Variants in RTL4 observed in about 807,000 individuals in gnomAD.
RTL4 encodes retrotransposon Gag-like protein 4.
In RTL4, 4 loss-of-function variants were observed where a neutral mutation model predicts 5.3. That is an observed-to-expected ratio of 0.75 (90% CI 0.37 to 1.72). The LOEUF is 1.72. Among genes scored for constraint, RTL4 ranks in the 40% most tolerant of loss-of-function variants. The pLI, the probability that RTL4 is intolerant of heterozygous loss-of-function variation, is 0.04. For synonymous variants in RTL4, 98 were observed against 87.3 expected, an observed-to-expected ratio of 1.12 and a Z score of -0.68; for missense variants, 260 against 227.1, an observed-to-expected ratio of 1.14 and a Z score of -0.93.
the RTL4 span, among the ~76,000 whole-genome samples, chrX:112,271,368 A>T: frequency 5.3e-5 from 6 of 113,713 alleles, no homozygotes; most frequent in African/African-American, 1.9e-4. Flanking sequence ...TCTGGCATGA[A>T]GGGGTATAGA....
the RTL4 span, among the ~76,000 whole-genome samples, chrX:112,394,097 G>T: frequency 3.6e-5 from 4 of 111,230 alleles, no homozygotes; most frequent in Non-Finnish European, 7.5e-5. Context: ...TGAAGTGTGG[G>T]TTCCCAGGGT....
the RTL4 span, chrX:112,320,224 T>G: frequency 8.9e-6 from 1 of 112,255 alleles, no homozygotes; most frequent in African/African-American, 3.2e-5. Flanking sequence ...TTGCTGTTGT[T>G]AAGCCTCTTG....
At chrX:112,088,717 A>G in the RTL4 span, among the ~76,000 whole-genome samples, 122 of 112,082 alleles carry the variant, frequency 1.1e-3, no homozygotes, top group African/African-American at 3.7e-3. Context: ...CCTCACCAAC[A>G]CTGGTTATTT....
At chrX:112,294,803 A>C in the RTL4 span, among the ~76,000 whole-genome samples, 1 of 111,685 alleles carries the variant, frequency 9.0e-6, no homozygotes, top group African/African-American at 3.3e-5. Context: ...CTTCCTAAGA[A>C]GTTCATTTCA....
At chrX:112,454,271 T>A (rs887643127), upstream of RTL4, among the ~76,000 whole-genome samples, 1 of 111,755 alleles carries the variant, frequency 8.9e-6, no homozygotes, top group Non-Finnish European at 1.9e-5. Context: ...TTAAGAAAGT[T>A]TACAAATTTG....
chrX:112,285,484 T>C, the RTL4 span, among the ~76,000 whole-genome samples: 1 of 111,720 alleles, frequency 9.0e-6, no homozygotes, highest in Non-Finnish European at 1.9e-5. Context: ...ATTTTGCATA[T>C]ATAGAAGTAT....
the RTL4 span, among the ~76,000 whole-genome samples, chrX:112,252,799 T>C: frequency 9.0e-6 from 1 of 111,102 alleles, no homozygotes; most frequent in Non-Finnish European, 1.9e-5. Flanking sequence ...CTGAAAAACA[T>C]AGAACCACAG....
the RTL4 span, among the ~76,000 whole-genome samples, chrX:112,327,625 GC>G: frequency 9.1e-6 from 1 of 109,448 alleles, no homozygotes; most frequent in African/African-American, 3.3e-5. Context: ...AGCAAGGCAG[GC>G]CAACATTCAG....
the RTL4 span, among the ~76,000 whole-genome samples, chrX:112,187,283 C>T: frequency 8.9e-6 from 1 of 112,068 alleles, no homozygotes; most frequent in South Asian, 3.7e-4. Context: ...TTTCCTTCTG[C>T]GGCCTTGAGT....
the RTL4 span, among the ~76,000 whole-genome samples, chrX:112,423,369 G>A: frequency 9.0e-6 from 1 of 110,506 alleles, no homozygotes; most frequent in East Asian, 2.9e-4. Flanking sequence ...TTGGTCAATA[G>A]CACCCCCTGC....
the RTL4 span, among the ~76,000 whole-genome samples, chrX:112,249,844 T>C: frequency 8.3e-5 from 9 of 108,694 alleles, no homozygotes; most frequent in Admixed American, 2.0e-4. Context: ...ATCAGTCCAA[T>C]TTTTCTAGTG....
At chrX:112,455,320 G>A (rs1926820621) in exon 1 of RTL4, 1 of 1,209,771 alleles carries the variant, frequency 8.3e-7, no homozygotes, top group African/African-American at 1.8e-5. Flanking sequence ...TGAAGAGAGT[G>A]TCACTGATAT....
the RTL4 span, among the ~76,000 whole-genome samples, chrX:112,417,047 T>C: frequency 9.0e-6 from 1 of 111,468 alleles, no homozygotes; most frequent in Non-Finnish European, 1.9e-5. Flanking sequence ...TCATCAATCT[T>C]GATGTTAGGG....
At chrX:112,169,026 C>CTTTCTTTCTT in the RTL4 span, among the ~76,000 whole-genome samples, 1 of 49,062 alleles carries the variant, frequency 2.0e-5, no homozygotes, top group African/African-American at 8.0e-5. Context: ...CTTTCTCTTT[C>CTTTCTTTCTT]TCTTTCTTTC....
chrX:112,157,793 T>C, the RTL4 span, among the ~76,000 whole-genome samples: 3 of 112,134 alleles, frequency 2.7e-5, no homozygotes, highest in Non-Finnish European at 5.6e-5. Context: ...CTGACTAGTC[T>C]CTGTTCTTCA....
At chrX:112,325,632 C>A in the RTL4 span, among the ~76,000 whole-genome samples, 1 of 111,912 alleles carries the variant, frequency 8.9e-6, no homozygotes, top group Admixed American at 9.5e-5. Flanking sequence ...CTTCCTTATG[C>A]CTTATACAAA....
chrX:112,173,966 T>A, the RTL4 span, among the ~76,000 whole-genome samples: 1 of 109,999 alleles, frequency 9.1e-6, no homozygotes, highest in Non-Finnish European at 1.9e-5. Context: ...TCTAATAATT[T>A]AAAGTCATCC....
chrX:112,269,602 CA>C, the RTL4 span, among the ~76,000 whole-genome samples: 1 of 111,899 alleles, frequency 8.9e-6, no homozygotes, highest in Non-Finnish European at 1.9e-5. Flanking sequence ...GCCTGTTTTT[CA>C]GTTGAAGAAA....
chrX:112,388,011 A>T, the RTL4 span, among the ~76,000 whole-genome samples: 1 of 112,128 alleles, frequency 8.9e-6, no homozygotes, highest in African/African-American at 3.2e-5. Context: ...TGTTTGGGGC[A>T]TTATGGCCAT....
Sources: gnomAD v4.1 joint callset for allele counts (sites outside exome capture counted in the v4.1 genomes callset) on GRCh38, gnomAD v4.1.1 for gene constraint, MANE v1.5 for transcripts, NCBI Gene and HGNC (gene_info 2026-07-23, HGNC 2026-07-21) for gene names.